USP24: variants seen among roughly 807,000 people sequenced by gnomAD.
USP24 encodes the protein ubiquitin carboxyl-terminal hydrolase 24.
Under a neutral mutation model 361.6 loss-of-function variants are expected in USP24, and 97 were observed. The observed-to-expected ratio is 0.27, with a 90% CI of 0.23 to 0.32. The LOEUF is 0.32. Among genes scored for constraint, USP24 ranks in the 10% least tolerant of loss-of-function variants. The pLI is 1.00. For synonymous variants in USP24, 1,098 were observed against 1,124.6 expected, an observed-to-expected ratio of 0.98 and a Z score of 0.47; for missense variants, 2,353 against 3,165.6, an observed-to-expected ratio of 0.74 and a Z score of 6.16.
At chr1:55,202,166 T>C (rs975323084) in intron 1 of USP24, among the ~76,000 whole-genome samples, 2 of 152,204 alleles carry the variant, frequency 1.3e-5, no homozygotes, top group African/African-American at 4.8e-5. Context: ...TTAAAATATA[T>C]AACCTAAGGC....
intron 2 of USP24, 37 bp downstream of exon 2, chr1:55,177,930 C>T: frequency 2.0e-6 from 3 of 1,531,652 alleles, no homozygotes; most frequent in Non-Finnish European, 2.6e-6. Context: ...TTCTATGAAA[C>T]AAATGTCCTC....
chr1:55,125,645 T>C lies in USP24; in HGVS notation c.3731+18A>G. On this transcript the variant is annotated intron_variant, in intron 33 of 67. Coordinates refer to ENST00000294383, the MANE Select transcript of USP24 (RefSeq NM_015306.3). ...GTCAAGTATTGCCTGGTAAGACTAA[T>C]GCAATATATTTACATACCTTGCAAG... 1 of 1,583,968 alleles carries C rather than the reference T, an allele frequency of 6.3e-7. No individual in the cohort carries two copies. The highest frequency in any genetic ancestry group is 8.6e-7 in the Non-Finnish European group (1 of 1,163,208).
At chr1:55,145,906 G>T in intron 20 of USP24, 92 bp downstream of exon 20, 1 of 887,988 alleles carries the variant, frequency 1.1e-6, no homozygotes, top group Non-Finnish European at 1.8e-6. Flanking sequence ...TAACTGTTTA[G>T]TTGCTTCTGA....
chr1:55,152,607 T>C (rs1028768639), intron 16 of USP24, among the ~76,000 whole-genome samples: 2 of 152,116 alleles, frequency 1.3e-5, no homozygotes, highest in South Asian at 4.1e-4. Flanking sequence ...TAAGGAGAGG[T>C]TGCTAAGTTA....
In USP24 at chr1:55,104,569, A is replaced by G. The variant is rs1222659349; in HGVS notation, c.4881-549T>C. ...CTGCATGAAATCAAAGGCTTTCTAC[A>G]CTGCCTGCCTGGTAGTATAAACCAC... On this transcript the variant is annotated intron_variant, in intron 41 of 67. Transcript: ENST00000294383. Among the ~76,000 whole-genome samples the G allele has an allele frequency of 3.3e-5, 5 of 152,236 alleles. No individual in the cohort carries two copies. The East Asian group carries it at 9.6e-4, about 29-fold the overall frequency.
rs770928958 is a variant in USP24, at chr1:55,172,525, A to G, written c.559-5T>C. 3.1e-6 allele frequency: 5 copies of G among 1,608,884 alleles called. No individual in the cohort carries two copies. The Admixed American group carries it at 8.5e-5, about 27-fold the overall frequency. ...AACAGCACTTGATGTCAGGAGCTAT[A>G]AAAACATAAAGGGCAATCTAGAGTC... On this transcript the variant is annotated splice_polypyrimidine_tract_variant and splice_region_variant and intron_variant, in intron 3 of 67. Coordinates refer to ENST00000294383, the MANE Select transcript of USP24 (RefSeq NM_015306.3).
intron 7 of USP24, among the ~76,000 whole-genome samples, chr1:55,163,083 A>C (rs916368104): frequency 7.2e-5 from 11 of 152,142 alleles, no homozygotes; most frequent in African/African-American, 2.7e-4. Flanking sequence ...TTGGCTACCT[A>C]TTTGGAAGAA....
intron 56 of USP24, 99 bp from the exon 57 acceptor site, chr1:55,083,987 A>T: frequency 1.1e-6 from 1 of 923,230 alleles, no homozygotes; most frequent in Admixed American, 2.7e-5. Flanking sequence ...GAACAAAAGG[A>T]AAGTCTGATA....
At chr1:55,080,586 G>A (rs1645130274) in intron 59 of USP24, among the ~76,000 whole-genome samples, 1 of 152,142 alleles carries the variant, frequency 6.6e-6, no homozygotes, top group African/African-American at 2.4e-5. Flanking sequence ...AAAGCACTGT[G>A]TGCTTTAAAC....
chr1:55,080,531 A>G (rs1047709684), intron 59 of USP24, among the ~76,000 whole-genome samples: 3 of 152,184 alleles, frequency 2.0e-5, no homozygotes, highest in Non-Finnish European at 4.4e-5. Flanking sequence ...AGACAGGATG[A>G]ATACTCCTCA....
chr1:55,187,290 C>T (rs1187988613), intron 1 of USP24, among the ~76,000 whole-genome samples: 2 of 152,108 alleles, frequency 1.3e-5, no homozygotes, highest in Admixed American at 1.3e-4. Flanking sequence ...TAAAGGGGAA[C>T]TTCCTCAACT....
At position 55,072,840 on chromosome 1, in the gene USP24, G is replaced by A; in HGVS notation, c.7548C>T (p.Tyr2516=). The change falls in exon 65 of 68, where the codon TAC becomes TAT. Residue 2516 remains tyrosine, a synonymous_variant. Coordinates refer to ENST00000294383, the MANE Select transcript of USP24 (RefSeq NM_015306.3). ...LAQKCPAAKE[Y]FKENSHHWSW... is the part of the protein sequence containing the mutation. ...TCCAGTGGTGGGAATTCTCCTTGAA[G>A]TACTCCTTAGCTGCAGGACACCTGA... The A allele has an allele frequency of 6.2e-7, 1 of 1,607,716 alleles. No individual in the cohort carries two copies. The highest frequency in any genetic ancestry group is 1.3e-5 in the African/African-American group (1 of 74,962).
At chr1:55,140,905 T>A (rs1646869617) in intron 24 of USP24, among the ~76,000 whole-genome samples, 2 of 152,304 alleles carry the variant, frequency 1.3e-5, no homozygotes, top group South Asian at 4.1e-4. Context: ...ATTCATGAAA[T>A]CTGAGTTTAG....
Position 55,069,242 on chromosome 1 carries a change from A to G in USP24, c.7801-135T>C, listed in dbSNP as rs531400743. 1.7e-4 allele frequency: 128 copies of G among 774,508 alleles called. 1 individual carries two copies. Among genetic ancestry groups the G allele is most frequent in the African/African-American group, 7.9e-4 (46 of 58,112 alleles). The allele number at this position is 774,508 out of a possible 1,614,324, so 48.0% of individuals were successfully genotyped here. A position where few individuals can be genotyped will look rare whatever the true frequency, so the allele number is the denominator to read the frequency against. On this transcript the variant is annotated intron_variant, in intron 67 of 67. Coordinates refer to ENST00000294383, the MANE Select transcript of USP24 (RefSeq NM_015306.3). ...GTTTATCAAAGGGTAATAAAATGTGATAACTATTACATCTAATATTTGACA... is the reference window on the plus strand; with the variant it reads ...GTTTATCAAAGGGTAATAAAATGTGGTAACTATTACATCTAATATTTGACA...
At chr1:55,136,362 T>C (rs1646735396) in intron 28 of USP24, among the ~76,000 whole-genome samples, 3 of 151,982 alleles carry the variant, frequency 2.0e-5, no homozygotes, top group Admixed American at 1.3e-4. Context: ...GGGGACACAT[T>C]AGGAAGGCCC....
chr1:55,214,973 G>A lies in USP24; in HGVS notation c.141C>T (p.Gly47=). Residue 47 remains glycine, a synonymous_variant, in exon 1 of 68, where the codon GGC becomes GGT. Transcript: ENST00000294383. ...TGGGCTCGTAGCCGCCGTAGTCGAGGCCCGGCCGCTCGTTGGTGAGCAGTG... is the reference window on the plus strand; with the variant it reads ...TGGGCTCGTAGCCGCCGTAGTCGAGACCCGGCCGCTCGTTGGTGAGCAGTG... ...AVALLTNERP[G]LDYGGYEPMD... The A allele has an allele frequency of 1.4e-6, 2 of 1,441,142 alleles. No individual in the cohort carries two copies. The highest frequency in any genetic ancestry group is 1.8e-6 in the Non-Finnish European group (2 of 1,093,694). The allele number at this position is 1,441,142 out of a possible 1,614,324, so 89.3% of individuals were successfully genotyped here. A position where few individuals can be genotyped will look rare whatever the true frequency, so the allele number is the denominator to read the frequency against.
chr1:55,125,234 A>G (rs1338808430), intron 34 of USP24, 86 bp downstream of exon 34: 8 of 1,322,914 alleles, frequency 6.0e-6, no homozygotes, highest in Non-Finnish European at 8.5e-6. Context: ...TGTCTTAATC[A>G]TTTTTATATC....
intron 54 of USP24, among the ~76,000 whole-genome samples, chr1:55,091,287 G>A (rs1000583691): frequency 2.0e-5 from 3 of 152,102 alleles, no homozygotes; most frequent in African/African-American, 7.2e-5. Flanking sequence ...ATCAGTGGCA[G>A]CATTAGATTC....
intron 32 of USP24, among the ~76,000 whole-genome samples, chr1:55,126,694 C>G (rs1227587889): frequency 1.3e-5 from 2 of 152,190 alleles, no homozygotes; most frequent in East Asian, 3.9e-4. Flanking sequence ...CAGAATAAAG[C>G]TACACATGTG....
Sources: gnomAD v4.1 joint callset for allele counts (sites outside exome capture counted in the v4.1 genomes callset) on GRCh38, gnomAD v4.1.1 for gene constraint, MANE v1.5 for transcripts, NCBI Gene and HGNC (gene_info 2026-07-23, HGNC 2026-07-21) for gene names.